Variants in CDK14 observed in about 807,000 individuals in gnomAD.
CDK14 encodes cyclin dependent kinase 14.
In CDK14, 34 loss-of-function variants were observed where a neutral mutation model predicts 60.7. The ratio of observed to expected loss-of-function variants is 0.56; its 90% CI spans 0.43 to 0.75. CDK14 has a LOEUF of 0.75. Among genes scored for constraint, CDK14 ranks in the 30% least tolerant of loss-of-function variants. The pLI, the probability that CDK14 is intolerant of heterozygous loss-of-function variation, is 0.00. For missense variants in CDK14, 482 were observed against 564.1 expected, an observed-to-expected ratio of 0.85 and a Z score of 1.47; for synonymous variants, 197 against 203.7, an observed-to-expected ratio of 0.97 and a Z score of 0.28.
At chr7:90,986,128 G>A (rs1240604256) in intron 10 of CDK14, among the ~76,000 whole-genome samples, 1 of 151,868 alleles carries the variant, frequency 6.6e-6, no homozygotes, top group East Asian at 1.9e-4. Context: ...TAAACAATTT[G>A]TAATTAACAC....
intron 5 of CDK14, among the ~76,000 whole-genome samples, chr7:90,835,728 A>G (rs923485348): frequency 6.6e-5 from 10 of 152,168 alleles, no homozygotes; most frequent in African/African-American, 2.4e-4. Flanking sequence ...GTATATATTA[A>G]GTCCTGCATC....
At chr7:91,123,222 A>G (rs1238105116) in intron 14 of CDK14, among the ~76,000 whole-genome samples, 2 of 152,238 alleles carry the variant, frequency 1.3e-5, no homozygotes, top group Non-Finnish European at 2.9e-5. Flanking sequence ...TTTTCAATAT[A>G]TAAGAAACAC....
At chr7:90,850,277 G>A (rs1790606541) in intron 5 of CDK14, among the ~76,000 whole-genome samples, 2 of 150,378 alleles carry the variant, frequency 1.3e-5, no homozygotes, top group African/African-American at 5.0e-5. Flanking sequence ...AGTGATTTAT[G>A]GAGGATCCTG....
At chr7:90,641,228 A>G (rs971377784) in intron 2 of CDK14, among the ~76,000 whole-genome samples, 1 of 152,152 alleles carries the variant, frequency 6.6e-6, no homozygotes, top group Non-Finnish European at 1.5e-5. Context: ...TAGTTCCTCA[A>G]ATAGTTAAAC....
intron 5 of CDK14, among the ~76,000 whole-genome samples, chr7:90,828,725 T>C (rs562414015): frequency 2.7e-4 from 41 of 152,308 alleles, no homozygotes; most frequent in South Asian, 1.0e-3. Context: ...ATGAATCATA[T>C]GTATTAAGGA....
At chr7:91,056,732 G>A (rs370278627) in intron 11 of CDK14, among the ~76,000 whole-genome samples, 26 of 152,204 alleles carry the variant, frequency 1.7e-4, no homozygotes, top group East Asian at 3.9e-4. Flanking sequence ...TACAAAGGAC[G>A]TGAACTCATC....
Position 90,640,458 on chromosome 7 carries a change from A to G in CDK14, c.123+36209A>G, listed in dbSNP as rs755492657. 1.5e-4 allele frequency among the ~76,000 whole-genome samples: 23 copies of G among 152,244 alleles called. No individual in the cohort carries two copies. The Middle Eastern group carries it at 0.014, about 90-fold the overall frequency. Reference sequence around the variant, plus strand: ...AGAGAAATATGATGGAGTATTTGTAAGTCGGTAAAAGACTTTAAGCATAAA... The same window carrying G: ...AGAGAAATATGATGGAGTATTTGTAGGTCGGTAAAAGACTTTAAGCATAAA... On this transcript the variant is annotated intron_variant, in intron 2 of 14. Coordinates refer to ENST00000380050, the MANE Select transcript of CDK14 (RefSeq NM_001287135.2).
intron 6 of CDK14, among the ~76,000 whole-genome samples, chr7:90,887,629 G>A (rs1332664580): frequency 6.6e-6 from 1 of 152,022 alleles, no homozygotes; most frequent in Non-Finnish European, 1.5e-5. Flanking sequence ...TACAACTTTT[G>A]CCCCATAAGT....
At chr7:91,115,734 T>G (rs556206761) in intron 13 of CDK14, among the ~76,000 whole-genome samples, 1 of 152,278 alleles carries the variant, frequency 6.6e-6, no homozygotes, top group East Asian at 1.9e-4. Flanking sequence ...TCAAGTGTGG[T>G]TGGAGCCTGA....
At chr7:91,181,183 G>A (rs1308533426) in intron 14 of CDK14, among the ~76,000 whole-genome samples, 1 of 152,042 alleles carries the variant, frequency 6.6e-6, no homozygotes, top group African/African-American at 2.4e-5. Context: ...ATTTATTTGA[G>A]TCTGAATTTC....
intron 2 of CDK14, among the ~76,000 whole-genome samples, chr7:90,688,841 AT>A (rs1473003329): frequency 6.6e-6 from 1 of 152,118 alleles, no homozygotes; most frequent in Non-Finnish European, 1.5e-5. Context: ...ATATGATTAT[AT>A]TACTCTGCCC....
At chr7:90,988,792 G>C (rs1227363171) in intron 10 of CDK14, among the ~76,000 whole-genome samples, 3 of 152,084 alleles carry the variant, frequency 2.0e-5, no homozygotes, top group Non-Finnish European at 4.4e-5. Flanking sequence ...GAATGATTCT[G>C]TTTTTCAGAT....
intron 10 of CDK14, among the ~76,000 whole-genome samples, chr7:91,008,418 TAAATTC>T (rs1254800777): frequency 6.6e-6 from 1 of 152,302 alleles, no homozygotes; most frequent in Non-Finnish European, 1.5e-5. Context: ...TAAACTTTCT[TAAATTC>T]AGACTGCATT....
At chr7:90,711,234 G>A (rs1439412055) in intron 2 of CDK14, among the ~76,000 whole-genome samples, 1 of 152,028 alleles carries the variant, frequency 6.6e-6, no homozygotes, top group African/African-American at 2.4e-5. Context: ...GGTTCACTAT[G>A]AGTAAATTTC....
chr7:91,028,607 A>G (rs764643160), intron 10 of CDK14, among the ~76,000 whole-genome samples: 4 of 152,116 alleles, frequency 2.6e-5, no homozygotes, highest in Non-Finnish European at 4.4e-5. Context: ...TGACTTTTTT[A>G]AAATGGCCAT....
At chr7:90,840,461 C>T (rs183169423) in intron 5 of CDK14, among the ~76,000 whole-genome samples, 1 of 152,194 alleles carries the variant, frequency 6.6e-6, no homozygotes, top group Non-Finnish European at 1.5e-5. Context: ...ACATTCTTCT[C>T]TAATTAACTA....
intron 2 of CDK14, among the ~76,000 whole-genome samples, chr7:90,689,977 G>GT (rs1434800802): frequency 8.0e-6 from 1 of 125,610 alleles, no homozygotes; most frequent in Non-Finnish European, 1.7e-5. Flanking sequence ...CATGATCAAC[G>GT]TAAGAGACTT....
intron 14 of CDK14, among the ~76,000 whole-genome samples, chr7:91,150,810 TAAGGATA>T (rs541260244): frequency 7.9e-4 from 120 of 152,304 alleles, no homozygotes; most frequent in Admixed American, 2.4e-3. Context: ...TATATATATT[TAAGGATA>T]ATACATTTTT....
chr7:90,648,951 T>A (rs1800526696), intron 2 of CDK14, among the ~76,000 whole-genome samples: 1 of 152,172 alleles, frequency 6.6e-6, no homozygotes, highest in African/African-American at 2.4e-5. Flanking sequence ...AACTGAGAGT[T>A]CTCAGTTGAG....
Sources: allele counts gnomAD v4.1 joint callset (sites outside exome capture counted in the v4.1 genomes callset), GRCh38; gene constraint gnomAD v4.1.1; transcripts MANE v1.5; gene names NCBI Gene and HGNC (gene_info 2026-07-23, HGNC 2026-07-21).